Variants in SCHIP1 observed in about 807,000 individuals in gnomAD.
SCHIP1 encodes the protein schwannomin interacting protein 1.
In SCHIP1, 8 loss-of-function variants were observed where a neutral mutation model predicts 29.7. The observed-to-expected ratio is 0.27, with a 90% CI of 0.16 to 0.49. The LOEUF is 0.49. Among genes scored for constraint, SCHIP1 ranks in the 20% least tolerant of loss-of-function variants. SCHIP1 has a pLI of 0.99. For synonymous variants in SCHIP1, 76 were observed against 94.9 expected (o/e 0.80, Z 1.16); for missense variants, 193 against 294.6 (o/e 0.66, Z 2.52).
the SCHIP1 span, among the ~76,000 whole-genome samples, chr3:159,415,517 T>G: frequency 6.6e-6 from 1 of 152,154 alleles, no homozygotes; most frequent in Non-Finnish European, 1.5e-5. Flanking sequence ...TTCTCGTCAT[T>G]GAATTCCCTT....
chr3:159,798,286 A>G, the SCHIP1 span, among the ~76,000 whole-genome samples: 1 of 152,222 alleles, frequency 6.6e-6, no homozygotes, highest in Non-Finnish European at 1.5e-5. Context: ...TGAGCAAATT[A>G]CTTGACATCT....
the SCHIP1 span, among the ~76,000 whole-genome samples, chr3:159,723,604 G>A: frequency 1.3e-5 from 2 of 152,156 alleles, no homozygotes; most frequent in Admixed American, 6.5e-5. Flanking sequence ...ATTTTAGATA[G>A]GCTATGTTTA....
the SCHIP1 span, among the ~76,000 whole-genome samples, chr3:159,491,063 T>C: frequency 3.9e-5 from 6 of 152,164 alleles, no homozygotes; most frequent in Non-Finnish European, 8.8e-5. Flanking sequence ...TCTGGGCAGG[T>C]AGGAAGACAG....
chr3:159,372,994 A>AAAAT, the SCHIP1 span, among the ~76,000 whole-genome samples: 4 of 152,018 alleles, frequency 2.6e-5, no homozygotes, highest in South Asian at 2.1e-4. Context: ...ATAGAGCACA[A>AAAAT]AAATAACTTC....
intron 6 of SCHIP1, chr3:159,894,051 C>A (rs1426407260): frequency 6.6e-6 from 1 of 152,176 alleles, no homozygotes; most frequent in Non-Finnish European, 1.5e-5. Flanking sequence ...TTCCAGATGT[C>A]CATTCAAATC....
the SCHIP1 span, among the ~76,000 whole-genome samples, chr3:159,332,013 G>T: frequency 6.6e-6 from 1 of 152,144 alleles, no homozygotes; most frequent in East Asian, 1.9e-4. Flanking sequence ...CCTCCTGAGG[G>T]TGTCCTTTCC....
At chr3:159,856,226 C>T (rs1330984587) in intron 1 of SCHIP1, among the ~76,000 whole-genome samples, 2 of 152,156 alleles carry the variant, frequency 1.3e-5, no homozygotes, top group Admixed American at 6.5e-5. Flanking sequence ...CAAGAGCCCT[C>T]TCATGTTCCT....
chr3:159,460,793 A>C, the SCHIP1 span, among the ~76,000 whole-genome samples: 1 of 152,142 alleles, frequency 6.6e-6, no homozygotes, highest in Non-Finnish European at 1.5e-5. Context: ...AAGGTTTATG[A>C]AGCAAATTGG....
chr3:159,727,958 T>C, the SCHIP1 span, among the ~76,000 whole-genome samples: 1 of 152,082 alleles, frequency 6.6e-6, no homozygotes, highest in Non-Finnish European at 1.5e-5. Flanking sequence ...TGTTTGTTTT[T>C]TGGTCACAGC....
chr3:159,335,494 C>G, the SCHIP1 span, among the ~76,000 whole-genome samples: 1 of 151,962 alleles, frequency 6.6e-6, no homozygotes, highest in South Asian at 2.1e-4. Context: ...CCTCCCCACT[C>G]CCCCCCAGTC....
the SCHIP1 span, among the ~76,000 whole-genome samples, chr3:159,484,220 C>T: frequency 6.6e-6 from 1 of 152,152 alleles, no homozygotes; most frequent in Non-Finnish European, 1.5e-5. Flanking sequence ...TTCAACTAAC[C>T]AGTTGCCTCA....
At chr3:159,680,414 CAGG>C in the SCHIP1 span, among the ~76,000 whole-genome samples, 1 of 146,774 alleles carries the variant, frequency 6.8e-6, no homozygotes, top group African/African-American at 2.5e-5. Context: ...GAGGCTGAGG[CAGG>C]AGAACTGCTT....
the SCHIP1 span, among the ~76,000 whole-genome samples, chr3:159,325,218 G>A: frequency 6.6e-6 from 1 of 152,064 alleles, no homozygotes; most frequent in Non-Finnish European, 1.5e-5. Flanking sequence ...AGAATTAGCA[G>A]TATTTTTCCA....
At chr3:159,275,061 AGT>A in the SCHIP1 span, 139 of 973,156 alleles carry the variant, frequency 1.4e-4, no homozygotes, top group African/African-American at 2.3e-3. Flanking sequence ...ACATTTTGAC[AGT>A]GTATGAAGTG....
chr3:159,425,846 C>T, the SCHIP1 span, among the ~76,000 whole-genome samples: 3 of 152,154 alleles, frequency 2.0e-5, no homozygotes, highest in African/African-American at 7.2e-5. Context: ...AACTATCTCT[C>T]GGACCACAGT....
the SCHIP1 span, among the ~76,000 whole-genome samples, chr3:159,279,745 A>G: frequency 6.6e-6 from 1 of 152,174 alleles, no homozygotes; most frequent in South Asian, 2.1e-4. Context: ...AATTTATTAG[A>G]AACACAACAG....
the SCHIP1 span, chr3:159,722,271 C>G: frequency 5.9e-6 from 1 of 169,370 alleles, no homozygotes; most frequent in Non-Finnish European, 1.3e-5. Flanking sequence ...CAGCCTGTTG[C>G]GCCTCTTCCT....
chr3:159,599,649 T>C, the SCHIP1 span, among the ~76,000 whole-genome samples: 1 of 152,208 alleles, frequency 6.6e-6, no homozygotes, highest in African/African-American at 2.4e-5. Context: ...TTTCCACTCA[T>C]TGGGAAATTT....
At chr3:159,562,112 T>A in the SCHIP1 span, among the ~76,000 whole-genome samples, 1 of 152,202 alleles carries the variant, frequency 6.6e-6, no homozygotes. Flanking sequence ...GCAGGCTTTG[T>A]AATTCCTAGT....
Sources: gnomAD v4.1 joint callset for allele counts (sites outside exome capture counted in the v4.1 genomes callset) on GRCh38, gnomAD v4.1.1 for gene constraint, MANE v1.5 for transcripts, NCBI Gene and HGNC (gene_info 2026-07-23, HGNC 2026-07-21) for gene names.